Variants in ASIP observed in about 807,000 individuals in gnomAD.
The protein encoded by ASIP is agouti-signaling protein.
A neutral mutation model predicts 10.3 loss-of-function variants in ASIP; 11 were observed. That is an observed-to-expected ratio of 1.07 (90% CI 0.68 to 1.78). The LOEUF (loss-of-function observed/expected upper bound fraction) is 1.78. Among genes scored for constraint, ASIP ranks in the 40% most tolerant of loss-of-function variants. The pLI is 0.00. For synonymous variants in ASIP, 70 were observed against 70.8 expected, an observed-to-expected ratio of 0.99 and a Z score of 0.06; for missense variants, 180 against 169.2, an observed-to-expected ratio of 1.06 and a Z score of -0.35.
At chr20:34,259,048 AT>A (rs1395681529) in intron 1 of ASIP, among the ~76,000 whole-genome samples, 2 of 148,958 alleles carry the variant, frequency 1.3e-5, no homozygotes, top group Admixed American at 6.8e-5. Flanking sequence ...ACAAAAAAAA[AT>A]TTTTTTTTAA....
At chr20:34,213,565 G>C in intron 1 of ASIP, 1 of 1,546,290 alleles carries the variant, frequency 6.5e-7, no homozygotes, top group Non-Finnish European at 8.8e-7. Flanking sequence ...ATGAAGCAGG[G>C]GCATGAACAT....
At chr20:34,221,062 T>C (rs1029465516) in intron 1 of ASIP, among the ~76,000 whole-genome samples, 28 of 148,622 alleles carry the variant, frequency 1.9e-4, no homozygotes, top group African/African-American at 6.7e-4. Context: ...TTGTGGAATA[T>C]AAAAAGAGGA....
chr20:34,214,754 C>T, intron 1 of ASIP: 3 of 1,289,174 alleles, frequency 2.3e-6, no homozygotes, highest in Non-Finnish European at 3.4e-6. Flanking sequence ...ATTGCCTCCA[C>T]ATTAGCTTTT....
At chr20:34,202,693 T>G (rs2034907708) in intron 1 of ASIP, among the ~76,000 whole-genome samples, 1 of 152,164 alleles carries the variant, frequency 6.6e-6, no homozygotes, top group Non-Finnish European at 1.5e-5. Context: ...TCTGTCTTTC[T>G]GCCACTTGCA....
At chr20:34,213,076 C>T (rs2034984695) in intron 1 of ASIP, among the ~76,000 whole-genome samples, 1 of 152,186 alleles carries the variant, frequency 6.6e-6, no homozygotes, top group Admixed American at 6.5e-5. Flanking sequence ...GGTGAGACTT[C>T]TAAGAGGTGA....
chr20:34,244,832 T>C (rs2035342780), intron 1 of ASIP, among the ~76,000 whole-genome samples: 1 of 152,190 alleles, frequency 6.6e-6, no homozygotes, highest in African/African-American at 2.4e-5. Context: ...TAGGGTGGAC[T>C]TTGTAACAAC....
Position 34,269,204 on chromosome 20 carries a change from G to C in ASIP, c.*37G>C. The C allele has an allele frequency of 6.9e-7, 1 of 1,448,872 alleles. No homozygotes were observed. Among genetic ancestry groups the C allele is most frequent in the Non-Finnish European group, 9.1e-7 (1 of 1,104,202 alleles). The allele number at this position is 1,448,872 out of a possible 1,614,324, so 89.8% of individuals were successfully genotyped here. On this transcript the variant is annotated 3_prime_UTR_variant, in exon 4 of 4. Coordinates refer to ENST00000374954, the MANE Select transcript of ASIP (RefSeq NM_001672.3). ...CCCGGCCGCGAGCAGGCAGGGCTTC[G>C]GGGACGCGGGGCGCTTCTCGGGCGG...
intron 1 of ASIP, chr20:34,246,557 C>A: frequency 1.2e-6 from 1 of 867,416 alleles, no homozygotes; most frequent in Non-Finnish European, 1.9e-6. Flanking sequence ...CCTCTGCCTC[C>A]GGGCTCAAGC....
At chr20:34,235,899 A>AAGGAAGGAAGG (rs1491250719) in intron 1 of ASIP, among the ~76,000 whole-genome samples, 1 of 64,600 alleles carries the variant, frequency 1.5e-5, no homozygotes, top group East Asian at 4.3e-4. Flanking sequence ...GGAAGGAAGG[A>AAGGAAGGAAGG]AAGGAAGGAA....
At chr20:34,240,146 A>G (rs2035265125), upstream of ASIP, among the ~76,000 whole-genome samples, 1 of 152,230 alleles carries the variant, frequency 6.6e-6, no homozygotes, top group South Asian at 2.1e-4. Context: ...ATTTGGAAAG[A>G]AGGGAAAAAA....
chr20:34,216,990 T>C (rs1024453042), intron 1 of ASIP, among the ~76,000 whole-genome samples: 1 of 152,172 alleles, frequency 6.6e-6, no homozygotes, highest in Non-Finnish European at 1.5e-5. Context: ...CAGAAGGGTT[T>C]ACTTTTGTTT....
At chr20:34,264,902 C>T (rs1378663263) in intron 3 of ASIP, among the ~76,000 whole-genome samples, 1 of 149,058 alleles carries the variant, frequency 6.7e-6, no homozygotes, top group East Asian at 2.0e-4. Flanking sequence ...CTCAAGTGAT[C>T]CTCCTGCCTC....
At chr20:34,186,670 A>G in the ASIP span, among the ~76,000 whole-genome samples, 1 of 152,014 alleles carries the variant, frequency 6.6e-6, no homozygotes, top group Non-Finnish European at 1.5e-5. Context: ...TGATGGTGAC[A>G]TGATTTAATA....
chr20:34,219,599 G>A (rs1374130549), intron 1 of ASIP, among the ~76,000 whole-genome samples: 1 of 152,142 alleles, frequency 6.6e-6, no homozygotes, highest in African/African-American at 2.4e-5. Context: ...CTCTCATAGT[G>A]GTCAACAGCA....
chr20:34,214,067 C>T, intron 1 of ASIP: 1 of 1,242,654 alleles, frequency 8.0e-7, no homozygotes, highest in East Asian at 2.3e-5. Context: ...ATCATCACTC[C>T]AACTGTCTCA....
intron 1 of ASIP, among the ~76,000 whole-genome samples, chr20:34,206,420 CGTGA>C (rs1214660815): frequency 2.0e-5 from 3 of 152,284 alleles, no homozygotes; most frequent in East Asian, 3.9e-4. Context: ...TTTAACTCCA[CGTGA>C]GTAAGAATAT....
intron 1 of ASIP, among the ~76,000 whole-genome samples, chr20:34,204,367 C>T (rs2034921355): frequency 6.6e-6 from 1 of 151,952 alleles, no homozygotes; most frequent in African/African-American, 2.4e-5. Flanking sequence ...ATTATAGGCA[C>T]ACGCCACCAT....
chr20:34,214,831 G>A lies in ASIP; in HGVS notation c.-11+20071G>A, dbSNP rs1200761632. 3 of 1,601,248 alleles carry A rather than the reference G, an allele frequency of 1.9e-6. No homozygotes were observed. The African/African-American group carries it at 4.0e-5, about 21-fold the overall frequency. ...ATAATCATAACAAAATCCAATATTAGAAGAAATATCATCATCCTCATGAAT... is the reference window on the plus strand; with the variant it reads ...ATAATCATAACAAAATCCAATATTAAAAGAAATATCATCATCCTCATGAAT... On this transcript the variant is annotated intron_variant, in intron 1 of 3. Coordinates refer to the ASIP transcript ENST00000568305.
chr20:34,198,383 C>T (rs762151052), intron 1 of ASIP, among the ~76,000 whole-genome samples: 3 of 152,158 alleles, frequency 2.0e-5, no homozygotes, highest in Admixed American at 6.6e-5. Context: ...AGCCACCGAG[C>T]CCGGTCATTG....
Sources: allele counts gnomAD v4.1 joint callset (sites outside exome capture counted in the v4.1 genomes callset), GRCh38; gene constraint gnomAD v4.1.1; transcripts MANE v1.5; gene names NCBI Gene and HGNC (gene_info 2026-07-23, HGNC 2026-07-21).